C6orf118: variants seen among roughly 807,000 people sequenced by gnomAD.
The protein encoded by C6orf118 is chromosome 6 open reading frame 118.
In C6orf118, 50 loss-of-function variants were observed where a neutral mutation model predicts 50.2. The observed-to-expected ratio is 1.00, with a 90% CI of 0.79 to 1.26. The LOEUF is 1.26. Ranked by LOEUF, C6orf118 falls within the 50% of genes most tolerant of loss-of-function variation. The pLI is 0.00. For synonymous variants in C6orf118, 239 were observed against 230.9 expected (o/e 1.03, Z -0.32); for missense variants, 641 against 578.7 (o/e 1.11, Z -1.10).
chr6:165,283,135 A>G (rs1280049681), intron 7 of C6orf118, among the ~76,000 whole-genome samples: 2 of 152,062 alleles, frequency 1.3e-5, no homozygotes, highest in African/African-American at 4.8e-5. Flanking sequence ...TACACCTTCA[A>G]CTGAAGTATC....
At chr6:165,295,843 A>G (rs1780275797) in intron 5 of C6orf118, among the ~76,000 whole-genome samples, 1 of 151,576 alleles carries the variant, frequency 6.6e-6, no homozygotes, top group Non-Finnish European at 1.5e-5. Context: ...CTTTCCCTTA[A>G]CCCCCTTCTC....
Position 165,302,128 on chromosome 6 carries a change from T to C in C6orf118, c.194A>G (p.Asn65Ser), listed in dbSNP as rs1463896344. The C allele has an allele frequency of 1.9e-6, 3 of 1,613,464 alleles. No individual in the cohort carries two copies. The highest frequency in any genetic ancestry group is 1.3e-5 in the African/African-American group (1 of 74,590). ...CGGAGGCTGGTAGAGCTTGTTGGGG[T>C]TCAGGTGTCCAGAGATGTAGAGGTA... ...DVYLYISGHL[N>S]PNKLYQPPET... The change falls in exon 2 of 9, where the codon AAC (asparagine) becomes AGC (serine). Residue 65 changes from asparagine (N) to serine (S), a missense_variant. Physicochemically the swap from Asn to Ser is conservative, Grantham distance 46. Transcript: ENST00000230301.
chr6:165,280,546 T>A (rs1437263295), intron 8 of C6orf118, among the ~76,000 whole-genome samples: 1 of 152,190 alleles, frequency 6.6e-6, no homozygotes, highest in East Asian at 1.9e-4. Flanking sequence ...CTCCCATGGC[T>A]TTTTCTGCCC....
At position 165,280,035 on chromosome 6, in the gene C6orf118, C is replaced by T. The variant is rs1779674114; in HGVS notation, c.*22G>A. 2 of 1,594,468 alleles carry T rather than the reference C, an allele frequency of 1.3e-6. No homozygotes were observed. Among genetic ancestry groups the T allele is most frequent in the Non-Finnish European group, 1.7e-6 (2 of 1,174,938 alleles). The stretch of plus-strand genomic sequence containing the variant: ...ATGGAAGTTAAGAATTTCCACTGGC[C>T]ATTTGTTCAGCCACTTGAGCGTTAT... On this transcript the variant is annotated 3_prime_UTR_variant, in exon 9 of 9. Coordinates refer to ENST00000230301, the MANE Select transcript of C6orf118 (RefSeq NM_144980.4).
At chr6:165,282,843 A>G (rs1779774267) in intron 7 of C6orf118, among the ~76,000 whole-genome samples, 1 of 152,120 alleles carries the variant, frequency 6.6e-6, no homozygotes, top group African/African-American at 2.4e-5. Flanking sequence ...TATTTCTTAG[A>G]CTTGTTTTAT....
chr6:165,280,723 A>G (rs1779699137), intron 8 of C6orf118, among the ~76,000 whole-genome samples: 2 of 152,164 alleles, frequency 1.3e-5, no homozygotes, highest in South Asian at 4.1e-4. Flanking sequence ...GCCATCTGTC[A>G]TTCACATTTC....
chr6:165,302,523 G>A (rs754009979), intron 1 of C6orf118, among the ~76,000 whole-genome samples: 3 of 152,162 alleles, frequency 2.0e-5, no homozygotes, highest in Non-Finnish European at 2.9e-5. Context: ...AAGTCAACCC[G>A]AAAGCTCAGG....
intron 7 of C6orf118, among the ~76,000 whole-genome samples, chr6:165,287,574 C>CA (rs1470602076): frequency 2.6e-5 from 4 of 151,886 alleles, no homozygotes; most frequent in Admixed American, 6.6e-5. Flanking sequence ...GGTACTGGTA[C>CA]AAAAAACAGA....
intron 6 of C6orf118, among the ~76,000 whole-genome samples, chr6:165,292,172 T>C (rs779940219): frequency 2.0e-5 from 3 of 152,182 alleles, no homozygotes; most frequent in Non-Finnish European, 2.9e-5. Context: ...CAAAAAGGAA[T>C]GTCAAGCCCA....
chr6:165,285,426 T>C (rs774330902), intron 7 of C6orf118, among the ~76,000 whole-genome samples: 1 of 152,136 alleles, frequency 6.6e-6, no homozygotes, highest in Non-Finnish European at 1.5e-5. Context: ...ATTCACGACT[T>C]GAAATCAGCT....
At chr6:165,301,482 C>T in intron 2 of C6orf118, 87 bp downstream of exon 2, 1 of 1,506,142 alleles carries the variant, frequency 6.6e-7, no homozygotes, top group Non-Finnish European at 8.9e-7. Flanking sequence ...GAGAGGTTTG[C>T]CCCAGAGCTG....
At chr6:165,293,786 A>T (rs949970584) in intron 5 of C6orf118, among the ~76,000 whole-genome samples, 20 of 152,196 alleles carry the variant, frequency 1.3e-4, no homozygotes, top group Admixed American at 4.6e-4. Context: ...AAAAAAATTT[A>T]AAAAAGATAA....
intron 7 of C6orf118, among the ~76,000 whole-genome samples, chr6:165,285,992 T>C (rs1463942740): frequency 1.4e-5 from 2 of 146,368 alleles, no homozygotes; most frequent in Admixed American, 6.7e-5. Flanking sequence ...AGGAGATGGT[T>C]TTTTTGAAAA....
chr6:165,291,026 T>A (rs1419836348), intron 6 of C6orf118, among the ~76,000 whole-genome samples: 1 of 152,150 alleles, frequency 6.6e-6, no homozygotes, highest in Non-Finnish European at 1.5e-5. Context: ...CCATCAGATC[T>A]GGTGAAACTT....
chr6:165,300,313 G>C (rs1258714655), intron 3 of C6orf118, 51 bp downstream of exon 3: 4 of 1,606,202 alleles, frequency 2.5e-6, no homozygotes, highest in Non-Finnish European at 3.4e-6. Context: ...CTTGTACACA[G>C]AACCTCATGC....
chr6:165,282,087 T>C (rs1779747702), intron 7 of C6orf118: 1 of 153,986 alleles, frequency 6.5e-6, no homozygotes, highest in Non-Finnish European at 1.4e-5. Flanking sequence ...GGGGAAATTT[T>C]TAAATTACCA....
At chr6:165,301,424 C>A (rs1225436039) in intron 2 of C6orf118, 145 bp downstream of exon 2, 2 of 1,146,370 alleles carry the variant, frequency 1.7e-6, no homozygotes, top group African/African-American at 3.1e-5. Context: ...ACCGCGAGGT[C>A]TGCACCGAGA....
intron 7 of C6orf118, among the ~76,000 whole-genome samples, chr6:165,284,823 A>G (rs1380567776): frequency 6.6e-6 from 1 of 152,220 alleles, no homozygotes; most frequent in Non-Finnish European, 1.5e-5. Context: ...CTCCTGAAGG[A>G]AGCACTAATC....
Position 165,300,984 on chromosome 6 carries a change from G to C in C6orf118, c.754-498C>G, listed in dbSNP as rs962989790. On this transcript the variant is annotated intron_variant, in intron 2 of 8. Coordinates refer to ENST00000230301, the MANE Select transcript of C6orf118 (RefSeq NM_144980.4). The stretch of plus-strand genomic sequence containing the variant: ...CCATCAGCTCTCCCTCTGCCCTCAC[G>C]GTTCTTCCACCGTCAGCCAGGCAAG... 2.7e-5 allele frequency among the ~76,000 whole-genome samples: 4 copies of C among 150,628 alleles called. No individual in the cohort carries two copies. The East Asian group carries it at 7.8e-4, about 29-fold the overall frequency.
Sources: gnomAD v4.1 joint callset for allele counts (sites outside exome capture counted in the v4.1 genomes callset) on GRCh38, gnomAD v4.1.1 for gene constraint, MANE v1.5 for transcripts, NCBI Gene and HGNC (gene_info 2026-07-23, HGNC 2026-07-21) for gene names.